The following SLC5A3 variants were observed in gnomAD, a reference collection of about 807,000 sequenced individuals.
SLC5A3 encodes solute carrier family 5 member 3, also known as sodium/myo-inositol cotransporter.
A neutral mutation model predicts 43.2 loss-of-function variants in SLC5A3; 10 were observed. The ratio of observed to expected loss-of-function variants is 0.23; its 90% CI spans 0.14 to 0.39. The LOEUF is 0.39. SLC5A3 is among the 10% of genes least tolerant of loss of function. SLC5A3 has a pLI of 1.00. For synonymous variants in SLC5A3, 349 were observed against 322.0 expected, an observed-to-expected ratio of 1.08 and a Z score of -0.90; for missense variants, 608 against 893.4, an observed-to-expected ratio of 0.68 and a Z score of 4.07.
In SLC5A3 at chr21:34,096,868, ACTG is replaced by A. The variant is rs1569417047; in HGVS notation, c.1673_1675del (p.Cys558del). The A allele has an allele frequency of 6.2e-7, 1 of 1,614,104 alleles. No homozygotes were observed. The highest frequency in any genetic ancestry group is 2.2e-5 in the East Asian group (1 of 44,874). On this transcript the variant is annotated inframe_deletion, in exon 2 of 2. Coordinates refer to ENST00000381151, the MANE Select transcript of SLC5A3 (RefSeq NM_006933.7). The surrounding 1 kb of genome is among the most constrained non-coding windows in gnomAD (Gnocchi z 5.9). ...AAGAAGAACCTGGTGGTGAAGGAGAACTGCTCCCCAAAAGAGGAACCATACAAA... is the reference window on the plus strand; with the variant it reads ...AAGAAGAACCTGGTGGTGAAGGAGAACTCCCCAAAAGAGGAACCATACAAA...
At chr21:34,088,267 G>A (rs2148656427) in intron 1 of SLC5A3, among the ~76,000 whole-genome samples, 1 of 152,198 alleles carries the variant, frequency 6.6e-6, no homozygotes, top group East Asian at 1.9e-4. Flanking sequence ...TTCCCCTTCT[G>A]GTGGAATGAC....
chr21:34,093,575 G>T (rs998339117), intron 1 of SLC5A3, among the ~76,000 whole-genome samples: 1 of 151,728 alleles, frequency 6.6e-6, no homozygotes, highest in African/African-American at 2.4e-5. Context: ...AAAGGAAAAT[G>T]CCTAGAATCA....
At position 34,100,326 on chromosome 21, in the gene SLC5A3, C is replaced by CT; in HGVS notation, c.*2972dup. 2.0e-6 allele frequency: 2 copies of CT among 1,000,232 alleles called. No individual in the cohort carries two copies. The highest frequency in any genetic ancestry group is 2.4e-6 in the Non-Finnish European group (2 of 829,990). The allele number at this position is 1,000,232 out of a possible 1,614,324, so 62.0% of individuals were successfully genotyped here. On this transcript the variant is annotated 3_prime_UTR_variant, in exon 2 of 2. Coordinates refer to ENST00000381151, the MANE Select transcript of SLC5A3 (RefSeq NM_006933.7). ...GATTATTGCATATTTTGTGGGACCT[C>CT]TAATTTCCCTGGTCATCTTTCAGAA... is the stretch of plus-strand genomic sequence containing the variant.
intron 1 of SLC5A3, among the ~76,000 whole-genome samples, chr21:34,092,180 T>G (rs1420048700): frequency 6.6e-6 from 1 of 152,116 alleles, no homozygotes; most frequent in Non-Finnish European, 1.5e-5. Flanking sequence ...GGAATGTAGT[T>G]TATCTCTTGA....
intron 1 of SLC5A3, among the ~76,000 whole-genome samples, chr21:34,076,957 A>G (rs746403231): frequency 7.0e-4 from 106 of 152,260 alleles, no homozygotes; most frequent in Non-Finnish European, 1.3e-3. Context: ...CCAAGGCTGC[A>G]GTCCCAGGTA....
intron 1 of SLC5A3, among the ~76,000 whole-genome samples, chr21:34,088,332 G>A (rs946074538): frequency 3.9e-5 from 6 of 152,174 alleles, no homozygotes; most frequent in African/African-American, 1.4e-4. Context: ...TGGATGGTGA[G>A]AACATAGATA....
At position 34,095,936 on chromosome 21, in the gene SLC5A3, A is replaced by G. The variant is rs1262044688; in HGVS notation, c.738A>G (p.Glu246=). Reference sequence around the variant, plus strand: ...CTTGTAATGTCTCCCCTAAGAAAGAAGCCCTGAAAATGCTGCGGAATCCAA... The same window carrying G: ...CTTGTAATGTCTCCCCTAAGAAAGAGGCCCTGAAAATGCTGCGGAATCCAA... ...TNSCNVSPKK[E]ALKMLRNPTD... Residue 246 remains glutamate, a synonymous_variant, in exon 2 of 2, where the codon GAA becomes GAG. Transcript: ENST00000381151. 6.2e-7 allele frequency: 1 copy of G among 1,614,138 alleles called. No individual in the cohort carries two copies.
chr21:34,082,055 G>GTT (rs11327535), intron 1 of SLC5A3, among the ~76,000 whole-genome samples: 2 of 143,652 alleles, frequency 1.4e-5, no homozygotes, highest in Non-Finnish European at 3.1e-5. Flanking sequence ...AGGAAATCTG[G>GTT]TTTTTTTTTT....
rs373598867 is a variant in SLC5A3 at position 34,073,696 on chromosome 21, C to T, written c.-386C>T. On this transcript the variant is annotated 5_prime_UTR_variant, in exon 1 of 2. Coordinates refer to ENST00000381151, the MANE Select transcript of SLC5A3 (RefSeq NM_006933.7). ...TTCCGAGCCGCACTCGCCGATCCTC[C>T]AGGCATGCCCCGCTACGAGCTGGCT... is the stretch of plus-strand genomic sequence containing the variant. 5.6e-5 allele frequency: 85 copies of T among 1,520,884 alleles called. No individual in the cohort carries two copies. Among genetic ancestry groups the T allele is most frequent in the Non-Finnish European group, 7.1e-5 (80 of 1,126,742 alleles). The allele number at this position is 1,520,884 out of a possible 1,614,324, so 94.2% of individuals were successfully genotyped here.
chr21:34,103,639 A>G lies in SLC5A3; in HGVS notation c.*6284A>G. ...GCACAAGACTAATAGTATTCTCTGT[A>G]TCCCACAAGTGCCAGTCATAAAGGC... On this transcript the variant is annotated 3_prime_UTR_variant, in exon 2 of 2. Coordinates refer to ENST00000381151, the MANE Select transcript of SLC5A3 (RefSeq NM_006933.7). The G allele has an allele frequency of 1.0e-6, 1 of 1,000,128 alleles. No homozygotes were observed. Among genetic ancestry groups the G allele is most frequent in the Non-Finnish European group, 1.2e-6 (1 of 829,904 alleles). 62.0% of individuals were successfully genotyped at this position (1,000,128 alleles called of 1,614,324 possible). A position where few individuals can be genotyped will look rare whatever the true frequency, so the allele number is the denominator to read the frequency against.
Position 34,100,511 on chromosome 21 carries a change from C to G in SLC5A3, c.*3156C>G. 1 of 1,000,240 alleles carries G rather than the reference C, an allele frequency of 1.0e-6. No individual in the cohort carries two copies. The highest frequency in any genetic ancestry group is 1.2e-6 in the Non-Finnish European group (1 of 829,982). The allele number at this position is 1,000,240 out of a possible 1,614,324, so 62.0% of individuals were successfully genotyped here. On this transcript the variant is annotated 3_prime_UTR_variant, in exon 2 of 2. Transcript: ENST00000381151. ...TCGGCCTAAATTCAATAGATCTCAT[C>G]TCCTAGGGCTTCCTTTTCACTTGGC... is the stretch of plus-strand genomic sequence containing the variant.
At chr21:34,082,293 CTA>C (rs1408811014) in intron 1 of SLC5A3, among the ~76,000 whole-genome samples, 1 of 152,100 alleles carries the variant, frequency 6.6e-6, no homozygotes, top group African/African-American at 2.4e-5. Context: ...TTGAAAGTAT[CTA>C]TAGTTTCGGA....
chr21:34,098,808 C>T lies in SLC5A3; in HGVS notation c.*1453C>T. The T allele has an allele frequency of 3.0e-6, 3 of 1,000,040 alleles. No individual in the cohort carries two copies. Among genetic ancestry groups the T allele is most frequent in the Non-Finnish European group, 3.6e-6 (3 of 829,784 alleles). 61.9% of individuals were successfully genotyped at this position (1,000,040 alleles called of 1,614,324 possible). On this transcript the variant is annotated 3_prime_UTR_variant, in exon 2 of 2. Coordinates refer to ENST00000381151, the MANE Select transcript of SLC5A3 (RefSeq NM_006933.7). ...GAAAAGCTCTACAGATTACGTACTTCTGTGTCTTCGTATGCTCAACACTGT... is the reference window on the plus strand; with the variant it reads ...GAAAAGCTCTACAGATTACGTACTTTTGTGTCTTCGTATGCTCAACACTGT...
In SLC5A3 at chr21:34,096,341, T is replaced by C. The variant is rs766020208; in HGVS notation, c.1143T>C (p.Ser381=). ...MIAALMSDLD[S]IFNSASTIFT... ...CAGCTCTGATGAGTGACTTAGACTC[T>C]ATCTTTAACAGTGCCAGTACCATAT... is the stretch of plus-strand genomic sequence containing the variant. Residue 381 remains serine, a synonymous_variant, in exon 2 of 2, where the codon TCT becomes TCC. Coordinates refer to ENST00000381151, the MANE Select transcript of SLC5A3 (RefSeq NM_006933.7). The surrounding 1 kb of genome is among the most constrained non-coding windows in gnomAD (Gnocchi z 5.9). The C allele has an allele frequency of 1.2e-6, 2 of 1,614,030 alleles. No homozygotes were observed. The highest frequency in any genetic ancestry group is 1.3e-5 in the African/African-American group (1 of 74,922).
At chr21:34,085,022 C>G (rs1363812673) in intron 1 of SLC5A3, among the ~76,000 whole-genome samples, 1 of 152,178 alleles carries the variant, frequency 6.6e-6, no homozygotes, top group Non-Finnish European at 1.5e-5. Flanking sequence ...TCATCACATT[C>G]AAAACGGACA....
chr21:34,088,208 A>AT (rs1978494224), intron 1 of SLC5A3, among the ~76,000 whole-genome samples: 2 of 226 alleles, frequency 8.8e-3, no homozygotes, highest in Non-Finnish European at 0.021. Context: ...TAGAATCTAT[A>AT]GCTGTGATGA....
intron 1 of SLC5A3, among the ~76,000 whole-genome samples, chr21:34,090,556 ATAAC>A (rs1252494785): frequency 2.0e-5 from 3 of 152,308 alleles, no homozygotes; most frequent in Middle Eastern, 3.4e-3. Flanking sequence ...CTATATATAA[ATAAC>A]TTGGGAAAAT....
Position 34,105,776 on chromosome 21 carries a change from C to T in SLC5A3, c.*8421C>T. ...AATTTTAAGGTTTGACTAATTGTATCCATCTCATTGTACAGTGTTTTAGTT... is the reference window on the plus strand; with the variant it reads ...AATTTTAAGGTTTGACTAATTGTATTCATCTCATTGTACAGTGTTTTAGTT... On this transcript the variant is annotated 3_prime_UTR_variant, in exon 2 of 2. Coordinates refer to ENST00000381151, the MANE Select transcript of SLC5A3 (RefSeq NM_006933.7). 1.0e-6 allele frequency: 1 copy of T among 993,788 alleles called. No individual in the cohort carries two copies. Among genetic ancestry groups the T allele is most frequent in the Non-Finnish European group, 1.2e-6 (1 of 824,324 alleles). 61.6% of individuals were successfully genotyped at this position (993,788 alleles called of 1,614,324 possible).
intron 1 of SLC5A3, among the ~76,000 whole-genome samples, chr21:34,079,939 C>T (rs1332655372): frequency 2.6e-5 from 4 of 152,090 alleles, no homozygotes; most frequent in Admixed American, 6.6e-5. Flanking sequence ...TTCTGTTTAT[C>T]GCTTCTCTGT....
Sources: gnomAD v4.1 joint callset for allele counts (sites outside exome capture counted in the v4.1 genomes callset) on GRCh38, gnomAD v4.1.1 for gene constraint, Gnocchi (gnomAD v3.1) non-coding constraint, MANE v1.5 for transcripts, NCBI Gene and HGNC (gene_info 2026-07-23, HGNC 2026-07-21) for gene names.